The following ADAMTS20 variants were observed in gnomAD, a reference collection of about 807,000 sequenced individuals.
ADAMTS20 encodes A disintegrin and metalloproteinase with thrombospondin motifs 20.
ADAMTS20 carries 225 observed loss-of-function variants against 260.1 expected under a neutral mutation model. The ratio of observed to expected loss-of-function variants is 0.87; its 90% CI spans 0.78 to 0.97. The LOEUF (loss-of-function observed/expected upper bound fraction) is 0.97, where lower values mean the gene tolerates loss of function less well. Among genes scored for constraint, ADAMTS20 ranks in the 50% least tolerant of loss-of-function variants. The pLI, the probability that ADAMTS20 is intolerant of heterozygous loss-of-function variation, is 0.00. For missense variants in ADAMTS20, 2,400 were observed against 2,337.7 expected (o/e 1.03, Z -0.55); for synonymous variants, 802 against 769.5 (o/e 1.04, Z -0.70).
chr12:43,504,870 C>T (rs1189454740), intron 3 of ADAMTS20, among the ~76,000 whole-genome samples: 1 of 152,012 alleles, frequency 6.6e-6, no homozygotes, highest in East Asian at 1.9e-4. Flanking sequence ...TTACAAAGAG[C>T]AATAATACCT....
At chr12:43,415,880 T>C (rs11182055) in intron 28 of ADAMTS20, among the ~76,000 whole-genome samples, 48,708 of 152,038 alleles carry the variant, frequency 0.32, 8,471 homozygotes, top group East Asian at 0.75. Flanking sequence ...TAATACAAAA[T>C]CTTGTTATGC....
chr12:43,459,136 T>C lies in ADAMTS20; in HGVS notation c.1614+3759A>G, dbSNP rs895425887. On this transcript the variant is annotated intron_variant, in intron 11 of 38. Transcript: ENST00000389420. ...GCAGCTGCACTCTTCTGGTCCATGT[T>C]TGTTACAGCTGGAGCTGAGCTTTCA... Among the ~76,000 whole-genome samples the C allele has an allele frequency of 2.0e-5, 3 of 152,136 alleles. No homozygotes were observed. In the South Asian group the frequency reaches 6.2e-4, roughly 32 times the overall value.
At chr12:43,441,802 A>C (rs1941671127) in intron 16 of ADAMTS20, among the ~76,000 whole-genome samples, 1 of 152,200 alleles carries the variant, frequency 6.6e-6, no homozygotes, top group Non-Finnish European at 1.5e-5. Context: ...ACAATTATCT[A>C]TGGCTAACTT....
At chr12:43,384,041 C>G in intron 29 of ADAMTS20, 64 bp from the exon 30 acceptor site, 1 of 1,415,826 alleles carries the variant, frequency 7.1e-7, no homozygotes, top group Non-Finnish European at 9.5e-7. Flanking sequence ...TAAAAGTAGC[C>G]AATGGAGCCA....
intron 29 of ADAMTS20, among the ~76,000 whole-genome samples, chr12:43,395,807 A>G (rs557187101): frequency 6.6e-6 from 1 of 151,584 alleles, no homozygotes; most frequent in Non-Finnish European, 1.5e-5. Flanking sequence ...GTAATTAAGA[A>G]TGCACTGGTG....
At chr12:43,406,421 G>A (rs1341001772) in intron 28 of ADAMTS20, among the ~76,000 whole-genome samples, 1 of 151,976 alleles carries the variant, frequency 6.6e-6, no homozygotes, top group Non-Finnish European at 1.5e-5. Context: ...TTTAAATGAT[G>A]TTTGAGTGAT....
chr12:43,453,639 T>C (rs1941909820), intron 12 of ADAMTS20, among the ~76,000 whole-genome samples: 2 of 152,028 alleles, frequency 1.3e-5, no homozygotes, highest in Non-Finnish European at 1.5e-5. Flanking sequence ...TTCATATTTA[T>C]ATCTCAAAAT....
At chr12:43,441,021 C>G (rs1941654750) in intron 16 of ADAMTS20, among the ~76,000 whole-genome samples, 1 of 149,690 alleles carries the variant, frequency 6.7e-6, no homozygotes, top group South Asian at 2.1e-4. Context: ...GCTGAGATAG[C>G]GCCACTGCAC....
At chr12:43,498,118 A>C (rs1055664466) in intron 4 of ADAMTS20, among the ~76,000 whole-genome samples, 1 of 152,178 alleles carries the variant, frequency 6.6e-6, no homozygotes, top group African/African-American at 2.4e-5. Context: ...CATTTAACAC[A>C]AACACTATTT....
chr12:43,436,387 C>T (rs1201986209), intron 18 of ADAMTS20, among the ~76,000 whole-genome samples: 1 of 151,910 alleles, frequency 6.6e-6, no homozygotes, highest in Non-Finnish European at 1.5e-5. Flanking sequence ...CCAATGAAAA[C>T]AGAATGTGAA....
intron 28 of ADAMTS20, 77 bp downstream of exon 28, chr12:43,425,434 AAAG>A: frequency 8.1e-7 from 1 of 1,230,656 alleles, no homozygotes; most frequent in Non-Finnish European, 1.1e-6. Context: ...AAGTCGAAGA[AAAG>A]AAAAACAATG....
intron 3 of ADAMTS20, among the ~76,000 whole-genome samples, chr12:43,524,332 T>C (rs1057032343): frequency 1.3e-5 from 2 of 150,812 alleles, no homozygotes; most frequent in African/African-American, 2.4e-5. Flanking sequence ...ACCCTTAAGA[T>C]GGAAAAAAAG....
At chr12:43,472,673 G>A (rs1194536062) in intron 7 of ADAMTS20, among the ~76,000 whole-genome samples, 1 of 141,166 alleles carries the variant, frequency 7.1e-6, no homozygotes, top group Non-Finnish European at 1.5e-5. Context: ...GAGAGTGGGG[G>A]CCAATATTCA....
At chr12:43,373,517 CA>C (rs1210623560) in intron 36 of ADAMTS20, among the ~76,000 whole-genome samples, 1 of 151,596 alleles carries the variant, frequency 6.6e-6, no homozygotes, top group Non-Finnish European at 1.5e-5. Context: ...AAAAAAGTCA[CA>C]AAAAAAATCT....
intron 28 of ADAMTS20, among the ~76,000 whole-genome samples, chr12:43,401,734 T>C (rs1209144096): frequency 1.0e-5 from 1 of 97,766 alleles, no homozygotes; most frequent in Non-Finnish European, 2.1e-5. Context: ...ATAAGTATAT[T>C]TTTATGCTTT....
At chr12:43,460,173 A>G (rs1942034577) in intron 11 of ADAMTS20, among the ~76,000 whole-genome samples, 1 of 152,206 alleles carries the variant, frequency 6.6e-6, no homozygotes, top group African/African-American at 2.4e-5. Context: ...ACCTATTATA[A>G]TCCACATGAT....
intron 2 of ADAMTS20, among the ~76,000 whole-genome samples, chr12:43,537,952 A>G (rs969114101): frequency 2.0e-5 from 3 of 152,214 alleles, no homozygotes; most frequent in Non-Finnish European, 4.4e-5. Context: ...AATCTTGGCT[A>G]TTGTGAACAC....
At chr12:43,522,237 C>T (rs1285240643) in intron 3 of ADAMTS20, among the ~76,000 whole-genome samples, 1 of 152,032 alleles carries the variant, frequency 6.6e-6, no homozygotes. Context: ...ACAGGAAATG[C>T]CAGACACTTA....
chr12:43,513,281 C>T (rs1288508024), intron 3 of ADAMTS20, among the ~76,000 whole-genome samples: 1 of 152,136 alleles, frequency 6.6e-6, no homozygotes, highest in East Asian at 1.9e-4. Flanking sequence ...TTTTATTCTT[C>T]CACATTCTCA....
Sources: gnomAD v4.1 joint callset for allele counts (sites outside exome capture counted in the v4.1 genomes callset) on GRCh38, gnomAD v4.1.1 for gene constraint, MANE v1.5 for transcripts, NCBI Gene and HGNC (gene_info 2026-07-23, HGNC 2026-07-21) for gene names.